Variants in ZNF469 observed in about 807,000 individuals in gnomAD.
The protein encoded by ZNF469 is zinc finger protein 469.
ZNF469 carries 1 observed loss-of-function variant against 1.0 expected under a neutral mutation model. That is an observed-to-expected ratio of 1.00 (90% CI 0.35 to 4.73). ZNF469 has a LOEUF of 4.73. ZNF469 is among the 30% of genes most tolerant of loss of function. The pLI is 0.16. For synonymous variants in ZNF469, 2,703 were observed against 2,363.4 expected (o/e 1.14, Z -4.17); for missense variants, 6,100 against 5,356.3 (o/e 1.14, Z -4.33).
the ZNF469 span, among the ~76,000 whole-genome samples, chr16:88,125,851 G>A: frequency 6.6e-6 from 1 of 151,886 alleles, no homozygotes; most frequent in African/African-American, 2.4e-5. Flanking sequence ...TTGCATACTG[G>A]CCTTTATCCT....
the ZNF469 span, among the ~76,000 whole-genome samples, chr16:88,303,072 G>A: frequency 5.9e-5 from 9 of 152,256 alleles, no homozygotes; most frequent in East Asian, 3.9e-4. Context: ...CCAATCTGAC[G>A]GCTGAAGGAC....
At chr16:88,327,874 C>A in the ZNF469 span, among the ~76,000 whole-genome samples, 6 of 152,222 alleles carry the variant, frequency 3.9e-5, no homozygotes, top group African/African-American at 1.4e-4. Context: ...ACACACCCAC[C>A]GGAAACACAC....
chr16:88,197,525 G>C, the ZNF469 span, among the ~76,000 whole-genome samples: 1 of 152,224 alleles, frequency 6.6e-6, no homozygotes, highest in African/African-American at 2.4e-5. Flanking sequence ...GGCACGATCA[G>C]TTTGCATTTG....
intron 1 of ZNF469, among the ~76,000 whole-genome samples, chr16:88,414,240 G>A (rs767168409): frequency 9.2e-5 from 14 of 152,202 alleles, no homozygotes; most frequent in Non-Finnish European, 1.6e-4. Context: ...TGCAGGCCAC[G>A]GGCCTCCAGG....
the ZNF469 span, among the ~76,000 whole-genome samples, chr16:88,208,777 G>GCACACACACACACACACACA: frequency 5.4e-5 from 7 of 129,946 alleles, no homozygotes; most frequent in Non-Finnish European, 9.8e-5. Context: ...GCGCGTGCGC[G>GCACACACACACACACACACA]CGCACACACA....
At chr16:88,349,830 GGCACCATACACACCAC>G in the ZNF469 span, among the ~76,000 whole-genome samples, 72 of 1,748 alleles carry the variant, frequency 0.041, no homozygotes, top group Middle Eastern at 0.12. Flanking sequence ...ACACACACGA[GGCACCATACACACCAC>G]ACACAAGTGC....
At chr16:88,339,211 A>G in the ZNF469 span, among the ~76,000 whole-genome samples, 1 of 87,338 alleles carries the variant, frequency 1.1e-5, no homozygotes, top group African/African-American at 4.6e-5. Flanking sequence ...ACAGGATGGC[A>G]GGGTGATCGG....
upstream of ZNF469, among the ~76,000 whole-genome samples, chr16:88,380,494 C>T (rs2092518995): frequency 7.7e-6 from 1 of 130,184 alleles, no homozygotes; most frequent in South Asian, 2.5e-4. Context: ...TGCACACACA[C>T]ATGCACTCAC....
the ZNF469 span, among the ~76,000 whole-genome samples, chr16:88,249,429 CTTTTTTTTTTTT>C: frequency 5.2e-4 from 33 of 63,610 alleles, no homozygotes; most frequent in Middle Eastern, 7.9e-3. Context: ...TTTTCTTTTT[CTTTTTTTTTTTT>C]TTTTTTTTTT....
intron 1 of ZNF469, among the ~76,000 whole-genome samples, chr16:88,390,111 G>C (rs1405564928): frequency 6.6e-6 from 1 of 152,216 alleles, no homozygotes; most frequent in Non-Finnish European, 1.5e-5. Context: ...GGGGCCACTA[G>C]ACACTGGCTC....
Position 88,431,687 on chromosome 16 carries a change from A to G in ZNF469, c.4217A>G (p.Asp1406Gly). ...CTGCACCCCAAGCCCTCAGCCAGGGATGCCCCGCCGGCCAGCAGCTCCTGC... is the reference window on the plus strand; with the variant it reads ...CTGCACCCCAAGCCCTCAGCCAGGGGTGCCCCGCCGGCCAGCAGCTCCTGC... ...EELHPKPSAR[D>G]APPASSSCLC... The change falls in exon 3 of 3, where the codon GAT becomes GGT. Residue 1406 changes from aspartate (D) to glycine (G), a missense_variant. Coordinates refer to ENST00000565624, the MANE Select transcript of ZNF469 (RefSeq NM_001367624.2). 1 of 1,550,410 alleles carries G rather than the reference A, an allele frequency of 6.4e-7. No individual in the cohort carries two copies. Among genetic ancestry groups the G allele is most frequent in the South Asian group, 1.2e-5 (1 of 84,066 alleles).
chr16:88,398,966 T>C (rs1904778947), intron 1 of ZNF469, among the ~76,000 whole-genome samples: 1 of 152,222 alleles, frequency 6.6e-6, no homozygotes, highest in African/African-American at 2.4e-5. Flanking sequence ...AGGATCTATT[T>C]TTAACCTCAT....
At chr16:88,191,958 AG>A in the ZNF469 span, among the ~76,000 whole-genome samples, 1 of 151,918 alleles carries the variant, frequency 6.6e-6, no homozygotes, top group African/African-American at 2.4e-5. Flanking sequence ...TGGTATTTGG[AG>A]GGGGGGACTT....
the ZNF469 span, among the ~76,000 whole-genome samples, chr16:88,315,903 G>A: frequency 7.2e-5 from 11 of 152,278 alleles, no homozygotes; most frequent in South Asian, 2.1e-4. Context: ...GGCCTCGCCC[G>A]CCCAGGCTGC....
chr16:88,341,146 T>C, the ZNF469 span, among the ~76,000 whole-genome samples: 1 of 152,218 alleles, frequency 6.6e-6, no homozygotes, highest in Non-Finnish European at 1.5e-5. Context: ...GTCACACATC[T>C]CTACCTATTT....
chr16:88,164,819 C>G, the ZNF469 span, among the ~76,000 whole-genome samples: 2 of 152,130 alleles, frequency 1.3e-5, no homozygotes, highest in African/African-American at 4.8e-5. Flanking sequence ...TGCAGTATCC[C>G]CTGTGACTGA....
At chr16:88,119,491 G>A in the ZNF469 span, among the ~76,000 whole-genome samples, 1 of 152,334 alleles carries the variant, frequency 6.6e-6, no homozygotes, top group African/African-American at 2.4e-5. Context: ...TTCCTTCCAA[G>A]CCAATTGCTC....
the ZNF469 span, among the ~76,000 whole-genome samples, chr16:88,338,502 G>A: frequency 6.6e-6 from 1 of 152,150 alleles, no homozygotes; most frequent in African/African-American, 2.4e-5. Flanking sequence ...CACAAGTATT[G>A]GGCCGTCTGT....
chr16:88,322,992 G>C, the ZNF469 span, among the ~76,000 whole-genome samples: 3 of 152,216 alleles, frequency 2.0e-5, no homozygotes, highest in South Asian at 6.2e-4. Flanking sequence ...AACGCTGTCA[G>C]TACTCATGCC....
Sources: allele counts gnomAD v4.1 joint callset (sites outside exome capture counted in the v4.1 genomes callset), GRCh38; gene constraint gnomAD v4.1.1; transcripts MANE v1.5; gene names NCBI Gene and HGNC (gene_info 2026-07-23, HGNC 2026-07-21).